KLF13: variants seen among roughly 807,000 people sequenced by gnomAD.
KLF13 encodes the protein KLF transcription factor 13.
Under a neutral mutation model 16.7 loss-of-function variants are expected in KLF13, and 8 were observed. That is an observed-to-expected ratio of 0.48 (90% confidence interval 0.28 to 0.87). The LOEUF (loss-of-function observed/expected upper bound fraction) is 0.87, where lower values mean the gene tolerates loss of function less well. Ranked by LOEUF, KLF13 falls within the 40% of genes least tolerant of loss-of-function variation. The pLI is 0.10. For synonymous variants in KLF13, 245 were observed against 208.4 expected, an observed-to-expected ratio of 1.18 and a Z score of -1.51; for missense variants, 447 against 452.2, an observed-to-expected ratio of 0.99 and a Z score of 0.10.
At chr15:31,384,924 C>T (rs1018719767) in intron 1 of KLF13, among the ~76,000 whole-genome samples, 6 of 152,164 alleles carry the variant, frequency 3.9e-5, no homozygotes, top group African/African-American at 9.7e-5. Flanking sequence ...GCCAAACTCA[C>T]GTGTTGAACT....
chr15:31,342,260 C>T (rs543496401), intron 1 of KLF13, among the ~76,000 whole-genome samples: 1 of 152,160 alleles, frequency 6.6e-6, no homozygotes, highest in Non-Finnish European at 1.5e-5. Flanking sequence ...CATGCTAGTC[C>T]TGCCGAGTGA....
chr15:31,339,912 G>A (rs1429648079), intron 1 of KLF13: 2 of 701,848 alleles, frequency 2.8e-6, no homozygotes, highest in African/African-American at 3.5e-5. Flanking sequence ...CTTCACCTTG[G>A]ATTTCACTGG....
At chr15:31,346,394 T>C (rs2039117443) in intron 1 of KLF13, among the ~76,000 whole-genome samples, 1 of 152,146 alleles carries the variant, frequency 6.6e-6, no homozygotes, top group Non-Finnish European at 1.5e-5. Context: ...CCTGACCCTT[T>C]GGTAAAGAGT....
At chr15:31,419,554 C>T (rs1000673840) in intron 1 of KLF13, among the ~76,000 whole-genome samples, 1 of 151,982 alleles carries the variant, frequency 6.6e-6, no homozygotes, top group Non-Finnish European at 1.5e-5. Flanking sequence ...GTTCAATAGA[C>T]AACTTGATCA....
chr15:31,405,097 G>A (rs774296234), downstream of KLF13, among the ~76,000 whole-genome samples: 2 of 152,216 alleles, frequency 1.3e-5, no homozygotes, highest in Non-Finnish European at 2.9e-5. Flanking sequence ...TTAGGAGGAG[G>A]AAACTTTGGG....
At chr15:31,371,814 A>G (rs1489701421) in intron 1 of KLF13, among the ~76,000 whole-genome samples, 196 bp from the exon 2 acceptor site, 1 of 152,154 alleles carries the variant, frequency 6.6e-6, no homozygotes, top group Non-Finnish European at 1.5e-5. Flanking sequence ...CTCTGCCTCC[A>G]TCCCAGGCGT....
chr15:31,348,698 G>A (rs1374065974), intron 1 of KLF13, among the ~76,000 whole-genome samples: 1 of 152,126 alleles, frequency 6.6e-6, no homozygotes, highest in East Asian at 1.9e-4. Flanking sequence ...TGCTGGCATT[G>A]TAGAGTTTAA....
chr15:31,394,428 A>G (rs1204455663), intron 2 of KLF13, among the ~76,000 whole-genome samples: 3 of 151,902 alleles, frequency 2.0e-5, no homozygotes, highest in African/African-American at 7.3e-5. Flanking sequence ...CGGAGCTTGC[A>G]GTGAGCCCAG....
chr15:31,329,152 G>A (rs2038780443), intron 1 of KLF13, among the ~76,000 whole-genome samples: 1 of 151,964 alleles, frequency 6.6e-6, no homozygotes, highest in Non-Finnish European at 1.5e-5. Flanking sequence ...GGTAGAGGGT[G>A]AGAGCGGGGC....
At chr15:31,349,341 A>G (rs2039179525) in intron 1 of KLF13, among the ~76,000 whole-genome samples, 1 of 152,140 alleles carries the variant, frequency 6.6e-6, no homozygotes, top group South Asian at 2.1e-4. Flanking sequence ...AGATTATGAC[A>G]TGTTTCCCCA....
At chr15:31,340,799 G>A (rs1302591189) in intron 1 of KLF13, among the ~76,000 whole-genome samples, 1 of 152,170 alleles carries the variant, frequency 6.6e-6, no homozygotes, top group African/African-American at 2.4e-5. Flanking sequence ...AGCCCAGGAG[G>A]TGGCAGCTGC....
At chr15:31,339,501 A>C (rs1325432676) in intron 1 of KLF13, among the ~76,000 whole-genome samples, 1 of 152,216 alleles carries the variant, frequency 6.6e-6, no homozygotes, top group Non-Finnish European at 1.5e-5. Flanking sequence ...AGGCATGCTT[A>C]CGTAGACACC....
At chr15:31,386,225 C>T (rs770445548) in intron 1 of KLF13, among the ~76,000 whole-genome samples, 2 of 152,238 alleles carry the variant, frequency 1.3e-5, no homozygotes, top group Non-Finnish European at 2.9e-5. Flanking sequence ...AGGCTGGGCG[C>T]AGTGGCTCAT....
chr15:31,339,447 C>G (rs933432434), intron 1 of KLF13, among the ~76,000 whole-genome samples: 1 of 152,190 alleles, frequency 6.6e-6, no homozygotes. Context: ...CTGCCGACAG[C>G]TGGCACGGGA....
At chr15:31,417,402 T>C (rs2040267492) in intron 1 of KLF13, among the ~76,000 whole-genome samples, 1 of 151,650 alleles carries the variant, frequency 6.6e-6, no homozygotes, top group African/African-American at 2.4e-5. Flanking sequence ...GGCTGAGGCA[T>C]GAGAATTGCT....
downstream of KLF13, among the ~76,000 whole-genome samples, chr15:31,382,373 T>C (rs2039737097): frequency 6.6e-6 from 1 of 152,174 alleles, no homozygotes; most frequent in Non-Finnish European, 1.5e-5. Context: ...AGGGTTGAAG[T>C]GGCCTTCTCA....
chr15:31,431,692 C>T (rs2040473675), intron 1 of KLF13, among the ~76,000 whole-genome samples: 1 of 152,200 alleles, frequency 6.6e-6, no homozygotes, highest in South Asian at 2.1e-4. Context: ...TCGCTATCTC[C>T]TGACCTTGTG....
upstream of KLF13, among the ~76,000 whole-genome samples, chr15:31,387,961 G>A (rs1316329967): frequency 6.6e-6 from 1 of 152,224 alleles, no homozygotes; most frequent in Non-Finnish European, 1.5e-5. Context: ...CAAACAGCAT[G>A]GAATAAAAAT....
At chr15:31,407,626 C>T (rs186901214), downstream of KLF13, among the ~76,000 whole-genome samples, 60 of 152,226 alleles carry the variant, frequency 3.9e-4, no homozygotes, top group African/African-American at 1.3e-3. Context: ...ATACTCTGGT[C>T]ACGAGAAAGT....
Sources: gnomAD v4.1 joint callset for allele counts (sites outside exome capture counted in the v4.1 genomes callset) on GRCh38, gnomAD v4.1.1 for gene constraint, MANE v1.5 for transcripts, NCBI Gene and HGNC (gene_info 2026-07-23, HGNC 2026-07-21) for gene names.